MYLK: variants seen among roughly 807,000 people sequenced by gnomAD.
The protein encoded by MYLK is myosin light chain kinase, smooth muscle.
MYLK carries 106 observed loss-of-function variants against 203.4 expected under a neutral mutation model. The ratio of observed to expected loss-of-function variants is 0.52; its 90% confidence interval spans 0.45 to 0.61. The LOEUF (loss-of-function observed/expected upper bound fraction) is 0.61, where lower values mean the gene tolerates loss of function less well. MYLK is among the 20% of genes least tolerant of loss of function. The pLI is 0.00. For missense variants in MYLK, 2,072 were observed against 2,442.3 expected, an observed-to-expected ratio of 0.85 and a Z score of 3.20; for synonymous variants, 867 against 959.5, an observed-to-expected ratio of 0.90 and a Z score of 1.78.
intron 20 of MYLK, 50 bp from the exon 21 acceptor site, chr3:123,667,237 C>T: frequency 1.9e-6 from 3 of 1,570,414 alleles, no homozygotes; most frequent in Admixed American, 1.7e-5. Flanking sequence ...GTTTTTTTCA[C>T]AAAGCTCCTG....
chr3:123,677,142 T>G (rs773473341), intron 20 of MYLK, among the ~76,000 whole-genome samples: 1 of 152,214 alleles, frequency 6.6e-6, no homozygotes, highest in Non-Finnish European at 1.5e-5. Flanking sequence ...AAACTATACT[T>G]GCTGTAGCTT....
Position 123,657,485 on chromosome 3 carries a change from G to T in MYLK, c.3986-57C>A. 5 of 1,574,514 alleles carry T rather than the reference G, an allele frequency of 3.2e-6. No homozygotes were observed. The South Asian group carries it at 5.7e-5, about 18-fold the overall frequency. ...CTTTCCAGAATTGCAGGCAAAGGAA[G>T]TTTTTGAATTACCTGTGTCATGGGG... On this transcript the variant is annotated intron_variant, in intron 23 of 33. Coordinates refer to ENST00000360304, the MANE Select transcript of MYLK (RefSeq NM_053025.4).
intron 3 of MYLK, among the ~76,000 whole-genome samples, chr3:123,796,219 TACA>T (rs937416479): frequency 1.3e-5 from 2 of 152,190 alleles, no homozygotes; most frequent in Admixed American, 1.3e-4. Context: ...ATTTGCTCCT[TACA>T]ACAACACTAT....
At chr3:123,868,729 A>G (rs1222311369) in intron 2 of MYLK, among the ~76,000 whole-genome samples, 2 of 152,232 alleles carry the variant, frequency 1.3e-5, no homozygotes, top group East Asian at 3.8e-4. Context: ...CAATATCATA[A>G]GATTGACAAA....
rs1324623679 is a variant in MYLK, at chr3:123,700,954, A to G, written c.2514T>C (p.Ala838=). 6.2e-7 allele frequency: 1 copy of G among 1,610,062 alleles called. No individual in the cohort carries two copies. The highest frequency in any genetic ancestry group is 2.2e-5 in the East Asian group (1 of 44,856). The change falls in exon 18 of 34, where the codon GCT becomes GCC. Residue 838 remains alanine (A), a synonymous_variant. Transcript: ENST00000360304. ...CATAGCGGTCACTACCACCACCATC[A>G]GCACCAACTCCTCCACCACAGAGGT... ...CEDLCGGGVG[A]DGGGSDRYGS...
At chr3:123,706,643 G>A (rs1424728970) in intron 16 of MYLK, among the ~76,000 whole-genome samples, 3 of 152,108 alleles carry the variant, frequency 2.0e-5, no homozygotes, top group Non-Finnish European at 4.4e-5. Flanking sequence ...GCATTTTCAA[G>A]GTAAAAGAGC....
At chr3:123,858,375 T>C (rs1392781389) in intron 2 of MYLK, among the ~76,000 whole-genome samples, 1 of 152,196 alleles carries the variant, frequency 6.6e-6, no homozygotes, top group Non-Finnish European at 1.5e-5. Flanking sequence ...CAGCCTGAGA[T>C]AGCCATAGGC....
At chr3:123,713,578 AATGTGTGTGTGT>A (rs2061783298) in intron 13 of MYLK, among the ~76,000 whole-genome samples, 2 of 74,798 alleles carry the variant, frequency 2.7e-5, no homozygotes, top group African/African-American at 1.1e-4. Context: ...AGAGCAACAC[AATGTGTGTGTGT>A]GTGTGTGTGT....
chr3:123,805,764 C>A (rs1044140206), intron 3 of MYLK, among the ~76,000 whole-genome samples: 1 of 152,204 alleles, frequency 6.6e-6, no homozygotes, highest in Admixed American at 6.5e-5. Context: ...GCTGGATGAC[C>A]GTGGGTGATT....
At chr3:123,857,478 T>A (rs1246853330) in intron 2 of MYLK, among the ~76,000 whole-genome samples, 4 of 152,032 alleles carry the variant, frequency 2.6e-5, no homozygotes, top group African/African-American at 9.7e-5. Flanking sequence ...TAAAAAATAA[T>A]GAGTTCATGT....
chr3:123,820,603 G>C (rs1345046135), intron 3 of MYLK, among the ~76,000 whole-genome samples: 4 of 120,914 alleles, frequency 3.3e-5, no homozygotes, highest in Non-Finnish European at 3.4e-5. Context: ...TAAGCTACCA[G>C]TGATTGATTT....
At chr3:123,803,971 G>C (rs1288979174) in intron 3 of MYLK, among the ~76,000 whole-genome samples, 17 of 152,106 alleles carry the variant, frequency 1.1e-4, no homozygotes, top group Non-Finnish European at 4.4e-5. Flanking sequence ...AGGAGAAAAA[G>C]AGAGAACTAA....
At chr3:123,797,370 G>A (rs2065024823) in intron 3 of MYLK, among the ~76,000 whole-genome samples, 1 of 152,004 alleles carries the variant, frequency 6.6e-6, no homozygotes, top group Admixed American at 6.6e-5. Context: ...ATCTACCATG[G>A]GCCAAGCTAG....
At chr3:123,758,546 T>C (rs1426228892) in intron 4 of MYLK, among the ~76,000 whole-genome samples, 1 of 152,176 alleles carries the variant, frequency 6.6e-6, no homozygotes, top group Non-Finnish European at 1.5e-5. Context: ...TCCTATGGCA[T>C]GCTTTCTTTT....
intron 18 of MYLK, 32 bp downstream of exon 18, chr3:123,699,988 C>T (rs1338815316): frequency 2.5e-6 from 4 of 1,613,900 alleles, no homozygotes; most frequent in African/African-American, 1.3e-5. Context: ...GGTACAGAGG[C>T]CCCTTCTTCC....
At chr3:123,816,634 A>T (rs1476032751) in intron 3 of MYLK, among the ~76,000 whole-genome samples, 1 of 152,250 alleles carries the variant, frequency 6.6e-6, no homozygotes, top group African/African-American at 2.4e-5. Context: ...AGAGAGGGAA[A>T]AAAAACTAGA....
At chr3:123,821,709 C>T (rs566818109) in intron 3 of MYLK, among the ~76,000 whole-genome samples, 2 of 152,320 alleles carry the variant, frequency 1.3e-5, no homozygotes, top group African/African-American at 4.8e-5. Flanking sequence ...TTATGCTTTC[C>T]TATGATACTA....
intron 16 of MYLK, among the ~76,000 whole-genome samples, chr3:123,703,897 C>T (rs2108608311): frequency 6.6e-6 from 1 of 152,358 alleles, no homozygotes; most frequent in African/African-American, 2.4e-5. Flanking sequence ...ACATCAGGAG[C>T]AGACACTGCC....
At chr3:123,715,944 T>C (rs2061877357) in intron 13 of MYLK, 1 of 152,264 alleles carries the variant, frequency 6.6e-6, no homozygotes, top group South Asian at 2.1e-4. Context: ...TAATCTTGGA[T>C]CTACCAAATA....
Sources: gnomAD v4.1 joint callset for allele counts (sites outside exome capture counted in the v4.1 genomes callset) on GRCh38, gnomAD v4.1.1 for gene constraint, MANE v1.5 for transcripts, NCBI Gene and HGNC (gene_info 2026-07-23, HGNC 2026-07-21) for gene names.